FMN2: variants seen among roughly 807,000 people sequenced by gnomAD.
FMN2 encodes formin 2.
Under a neutral mutation model 142.3 loss-of-function variants are expected in FMN2, and 51 were observed. The ratio of observed to expected loss-of-function variants is 0.36; its 90% CI spans 0.29 to 0.45. FMN2 has a LOEUF of 0.45. Ranked by LOEUF, FMN2 falls within the 20% of genes least tolerant of loss-of-function variation. The probability of loss-of-function intolerance (pLI) is 1.00; values close to 1 mark genes in which losing one functional copy is unlikely to be tolerated. For missense variants in FMN2, 1,936 were observed against 2,122.8 expected, an observed-to-expected ratio of 0.91 and a Z score of 1.73; for synonymous variants, 882 against 869.8, an observed-to-expected ratio of 1.01 and a Z score of -0.25.
chr1:240,136,101 A>G (rs1239898551), intron 2 of FMN2, among the ~76,000 whole-genome samples: 3 of 152,038 alleles, frequency 2.0e-5, no homozygotes, highest in Non-Finnish European at 2.9e-5. Flanking sequence ...GTTTAAGCAT[A>G]TGTATTTTTA....
intron 2 of FMN2, among the ~76,000 whole-genome samples, chr1:240,132,491 A>G (rs1277342487): frequency 2.0e-5 from 3 of 152,192 alleles, no homozygotes; most frequent in Admixed American, 6.5e-5. Context: ...TCCAAAGACC[A>G]GTCCATGGTG....
intron 2 of FMN2, among the ~76,000 whole-genome samples, chr1:240,132,671 G>A (rs1662786510): frequency 6.6e-6 from 1 of 152,166 alleles, no homozygotes; most frequent in Admixed American, 6.5e-5. Flanking sequence ...TCTGTGATGA[G>A]GAGGGGTAGA....
intron 15 of FMN2, among the ~76,000 whole-genome samples, chr1:240,409,206 G>T (rs2103122668): frequency 6.6e-6 from 1 of 152,196 alleles, no homozygotes; most frequent in Non-Finnish European, 1.5e-5. Context: ...GTGGTGGTGG[G>T]ATTTCAGCTC....
rs143881596 is a variant in FMN2 at position 240,425,828 on chromosome 1, A to C, written c.4911-12233A>C. ...TGTTGACCCATTAGGAATGTTTTTC[A>C]AGAAAGTCATCAACCAGAGCTTACA... On this transcript the variant is annotated intron_variant, in intron 15 of 17. Transcript: ENST00000319653. Among the ~76,000 whole-genome samples the C allele has an allele frequency of 5.4e-4, 82 of 152,292 alleles. No homozygotes were observed. The East Asian group carries it at 0.015, about 29-fold the overall frequency.
intron 14 of FMN2, among the ~76,000 whole-genome samples, chr1:240,389,864 G>A (rs1673548036): frequency 6.6e-6 from 1 of 152,164 alleles, no homozygotes; most frequent in African/African-American, 2.4e-5. Flanking sequence ...GGCTGAAGCA[G>A]GAGGATGACA....
At chr1:240,381,708 G>A (rs953604776) in intron 14 of FMN2, among the ~76,000 whole-genome samples, 6 of 152,164 alleles carry the variant, frequency 3.9e-5, no homozygotes, top group African/African-American at 1.2e-4. Context: ...GGGATTACTG[G>A]CATGAGCCAC....
At position 240,285,075 on chromosome 1, in the gene FMN2, A is replaced by G. The variant is rs548321322; in HGVS notation, c.4154-9747A>G. ...CTCACATGTATTTCCCAAATCTTCT[A>G]TTGGGTTTTTCTGTTACCCTGTTTT... is the stretch of plus-strand genomic sequence containing the variant. On this transcript the variant is annotated intron_variant, in intron 7 of 17. Transcript: ENST00000319653. 2.0e-5 allele frequency among the ~76,000 whole-genome samples: 3 copies of G among 151,658 alleles called. 1 individual carries two copies. The South Asian group carries it at 6.2e-4, about 32-fold the overall frequency.
intron 3 of FMN2, among the ~76,000 whole-genome samples, chr1:240,184,517 GTT>G (rs71712034): frequency 0.01 from 1,247 of 119,746 alleles, 14 homozygotes; most frequent in African/African-American, 0.035. Context: ...CGCCCGGCCT[GTT>G]TTTTTTTTTT....
At chr1:240,200,624 C>A (rs1027320124) in intron 4 of FMN2, among the ~76,000 whole-genome samples, 1 of 152,048 alleles carries the variant, frequency 6.6e-6, no homozygotes, top group African/African-American at 2.4e-5. Flanking sequence ...CGCTTAGTTG[C>A]TCTGCTTGTG....
At chr1:240,139,568 CAAAAA>C (rs556124762) in intron 2 of FMN2, among the ~76,000 whole-genome samples, 1 of 151,846 alleles carries the variant, frequency 6.6e-6, no homozygotes, top group Non-Finnish European at 1.5e-5. Context: ...ATGATAAAGA[CAAAAA>C]AACAAGATAT....
intron 2 of FMN2, chr1:240,170,835 G>A (rs1664673050): frequency 2.4e-6 from 2 of 825,094 alleles, no homozygotes; most frequent in African/African-American, 3.3e-5. Flanking sequence ...TCATTGGTGT[G>A]GACATCCATC....
In FMN2 at chr1:240,155,433, C is replaced by G. The variant is rs59476822; in HGVS notation, c.1783-22488C>G. On this transcript the variant is annotated intron_variant, in intron 2 of 17. Transcript: ENST00000319653. ...TGGAATAGCTGGGATTAGATGTGCA[C>G]TGCCATGCCTAGCTATTTTTAAATA... 6.5e-3 allele frequency among the ~76,000 whole-genome samples: 994 copies of G among 152,266 alleles called. 11 individuals carry two copies. Among genetic ancestry groups the G allele is most frequent in the African/African-American group, 0.023 (939 of 41,554 alleles).
At chr1:240,340,101 C>CT (rs1289418693) in intron 13 of FMN2, among the ~76,000 whole-genome samples, 1 of 152,064 alleles carries the variant, frequency 6.6e-6, no homozygotes, top group African/African-American at 2.4e-5. Flanking sequence ...CTTCTACTTT[C>CT]TTTTCAGTTT....
intron 1 of FMN2, among the ~76,000 whole-genome samples, chr1:240,117,652 T>C (rs551059364): frequency 6.6e-6 from 1 of 152,344 alleles, no homozygotes; most frequent in South Asian, 2.1e-4. Context: ...GATGGAGCAG[T>C]AGAAGGGGTT....
In FMN2 at chr1:240,350,276, A is replaced by G. The variant is rs552718984; in HGVS notation, c.4766-5540A>G. 8.5e-5 allele frequency among the ~76,000 whole-genome samples: 13 copies of G among 152,336 alleles called. No homozygotes were observed. The South Asian group carries it at 2.7e-3, about 32-fold the overall frequency. ...AATAACTGTACAGGTTTTATATCAC[A>G]CTGAGCTTTGGAAATTTGGATGTGA... On this transcript the variant is annotated intron_variant, in intron 13 of 17. Transcript: ENST00000319653.
chr1:240,213,592 A>G (rs1666774920), intron 6 of FMN2, among the ~76,000 whole-genome samples: 2 of 152,154 alleles, frequency 1.3e-5, no homozygotes, highest in Admixed American at 6.5e-5. Context: ...TCCCCTTTTT[A>G]TGGGAAATGT....
Position 240,101,581 on chromosome 1 carries a change from C to T in FMN2, c.1615+7857C>T, listed in dbSNP as rs1180527252. 9.9e-5 allele frequency among the ~76,000 whole-genome samples: 15 copies of T among 151,862 alleles called. 1 individual carries two copies. Among genetic ancestry groups the T allele is most frequent in the South Asian group, 2.1e-4 (1 of 4,778 alleles). ...ACAGGGTCATGCTCTGCCACCCAAG[C>T]GGGAGCGCAGTGGTGTGCTCATGGC... On this transcript the variant is annotated intron_variant, in intron 1 of 17. Transcript: ENST00000319653.
chr1:240,204,495 A>G (rs1348701651), intron 4 of FMN2, among the ~76,000 whole-genome samples: 3 of 152,336 alleles, frequency 2.0e-5, no homozygotes, highest in Middle Eastern at 3.4e-3. Flanking sequence ...TCACGCCTGT[A>G]ATCCCAGCAC....
intron 16 of FMN2, among the ~76,000 whole-genome samples, chr1:240,455,429 A>G (rs76476543): frequency 6.6e-6 from 1 of 152,192 alleles, no homozygotes; most frequent in Non-Finnish European, 1.5e-5. Flanking sequence ...TACAATTGAG[A>G]TAACAATTGC....
Sources: gnomAD v4.1 joint callset for allele counts (sites outside exome capture counted in the v4.1 genomes callset) on GRCh38, gnomAD v4.1.1 for gene constraint, MANE v1.5 for transcripts, NCBI Gene and HGNC (gene_info 2026-07-23, HGNC 2026-07-21) for gene names.